GRAMD1B: variants seen among roughly 807,000 people sequenced by gnomAD.
GRAMD1B encodes the protein GRAM domain containing 1B, also known as protein Aster-B.
A neutral mutation model predicts 99.7 loss-of-function variants in GRAMD1B; 37 were observed. The observed-to-expected ratio is 0.37, with a 90% CI of 0.29 to 0.49. The LOEUF is 0.49. GRAMD1B is among the 20% of genes least tolerant of loss of function. The pLI is 0.98. For synonymous variants in GRAMD1B, 427 were observed against 387.6 expected (o/e 1.10, Z -1.19); for missense variants, 888 against 1,009.2 (o/e 0.88, Z 1.63).
intron 2 of GRAMD1B, among the ~76,000 whole-genome samples, chr11:123,561,272 C>G (rs558466873): frequency 6.6e-6 from 1 of 152,144 alleles, no homozygotes; most frequent in African/African-American, 2.4e-5. Context: ...GCTGGCTTCC[C>G]TCCGCAGTGC....
chr11:123,603,566 C>CT, intron 9 of GRAMD1B, 25 bp downstream of exon 9: 4 of 1,403,214 alleles, frequency 2.9e-6, no homozygotes, highest in Non-Finnish European at 4.0e-6. Flanking sequence ...GGGCGGCTGC[C>CT]CAGAGGCAGC....
chr11:123,457,724 A>G (rs1413544834), intron 1 of GRAMD1B, among the ~76,000 whole-genome samples: 2 of 151,964 alleles, frequency 1.3e-5, no homozygotes, highest in Admixed American at 6.6e-5. Context: ...TATTTTATGT[A>G]TTTGTTTTTT....
At chr11:123,467,339 C>T (rs986181333) in intron 1 of GRAMD1B, among the ~76,000 whole-genome samples, 3 of 147,942 alleles carry the variant, frequency 2.0e-5, no homozygotes, top group Non-Finnish European at 4.5e-5. Flanking sequence ...AATTAATACT[C>T]ATAGATAATT....
intron 2 of GRAMD1B, among the ~76,000 whole-genome samples, chr11:123,538,917 C>A (rs868538510): frequency 6.6e-6 from 1 of 152,072 alleles, no homozygotes; most frequent in Admixed American, 6.6e-5. Context: ...GTGTGAGCCA[C>A]CGCGCCCAGT....
intron 1 of GRAMD1B, among the ~76,000 whole-genome samples, chr11:123,421,972 T>A (rs1040113694): frequency 2.6e-5 from 4 of 152,230 alleles, no homozygotes; most frequent in Admixed American, 2.6e-4. Flanking sequence ...TTTTCATACA[T>A]CAGGATTGCT....
At chr11:123,435,937 C>CTTTTTTTTTT (rs10647186) in intron 1 of GRAMD1B, among the ~76,000 whole-genome samples, 3 of 95,704 alleles carry the variant, frequency 3.1e-5, no homozygotes, top group African/African-American at 4.0e-5. Flanking sequence ...GAAACTCATA[C>CTTTTTTTTTT]TTTTTTTTTT....
At chr11:123,397,276 T>C (rs1444815555) in intron 1 of GRAMD1B, among the ~76,000 whole-genome samples, 2 of 151,970 alleles carry the variant, frequency 1.3e-5, no homozygotes, top group Non-Finnish European at 2.9e-5. Context: ...GGCATGGTGG[T>C]GGGTACCTGT....
rs1441995999 is a variant in GRAMD1B at position 123,531,979 on chromosome 11, T to C, written c.453-45388T>C. Among the ~76,000 whole-genome samples, 12 of 152,164 alleles carry C rather than the reference T, an allele frequency of 7.9e-5. No individual in the cohort carries two copies. The East Asian group carries it at 2.3e-3, about 29-fold the overall frequency. On this transcript the variant is annotated intron_variant, in intron 2 of 19. Coordinates refer to ENST00000635736, the MANE Select transcript of GRAMD1B (RefSeq NM_001387025.1). ...CTCAAACTCCCAACCTCAGGTAATCTGCCCACCTCAGCCTCCCAAAGTGCT... is the reference window on the plus strand; with the variant it reads ...CTCAAACTCCCAACCTCAGGTAATCCGCCCACCTCAGCCTCCCAAAGTGCT...
intron 14 of GRAMD1B, among the ~76,000 whole-genome samples, chr11:123,611,973 G>A (rs1002439714): frequency 2.0e-5 from 3 of 152,182 alleles, no homozygotes; most frequent in African/African-American, 7.2e-5. Flanking sequence ...TACTGCAGGG[G>A]GTATGGACAG....
At chr11:123,414,635 T>G (rs1359275252) in intron 1 of GRAMD1B, among the ~76,000 whole-genome samples, 7 of 152,156 alleles carry the variant, frequency 4.6e-5, no homozygotes, top group Admixed American at 2.0e-4. Flanking sequence ...TTCCAACCTG[T>G]TTTTTTATTT....
At chr11:123,531,426 G>A (rs528961425) in intron 2 of GRAMD1B, among the ~76,000 whole-genome samples, 13 of 152,114 alleles carry the variant, frequency 8.5e-5, no homozygotes, top group East Asian at 1.9e-4. Flanking sequence ...TGTTATTGTC[G>A]TCATCATTAC....
At position 123,622,729 on chromosome 11, in the gene GRAMD1B, A is replaced by C; in HGVS notation, c.*134A>C. 5 of 220,028 alleles carry C rather than the reference A, an allele frequency of 2.3e-5. No individual in the cohort carries two copies. The highest frequency in any genetic ancestry group is 3.3e-5 in the Non-Finnish European group (4 of 119,778). 13.6% of individuals were successfully genotyped at this position (220,028 alleles called of 1,614,324 possible). ...ATATACAGATTTTAAAAAAGAGATA[A>C]TGCCTATGTACCAGGGAGAAGGAGC... is the stretch of plus-strand genomic sequence containing the variant. On this transcript the variant is annotated 3_prime_UTR_variant, in exon 20 of 20. Transcript: ENST00000635736.
chr11:123,574,334 T>C (rs1441000463), intron 2 of GRAMD1B, among the ~76,000 whole-genome samples: 7 of 152,176 alleles, frequency 4.6e-5, no homozygotes. Flanking sequence ...TTTGGGACTT[T>C]AATGTGGGAG....
intron 11 of GRAMD1B, 52 bp from the exon 12 acceptor site, chr11:123,608,607 C>T (rs879053886): frequency 6.4e-7 from 1 of 1,559,666 alleles, no homozygotes; most frequent in African/African-American, 1.4e-5. Flanking sequence ...TCCCTGGGGC[C>T]CCCTCCCCCT....
At chr11:123,502,600 C>T (rs1248483659) in intron 2 of GRAMD1B, among the ~76,000 whole-genome samples, 1 of 152,052 alleles carries the variant, frequency 6.6e-6, no homozygotes, top group African/African-American at 2.4e-5. Flanking sequence ...CTTGGTGAAA[C>T]TCCGTCTCTA....
intron 1 of GRAMD1B, among the ~76,000 whole-genome samples, chr11:123,462,466 T>G (rs1167197407): frequency 6.6e-6 from 1 of 152,174 alleles, no homozygotes; most frequent in African/African-American, 2.4e-5. Flanking sequence ...GGCTGACACT[T>G]GTGGCAGAGT....
At chr11:123,362,337 G>A (rs532158584) in intron 1 of GRAMD1B, among the ~76,000 whole-genome samples, 3 of 152,260 alleles carry the variant, frequency 2.0e-5, no homozygotes, top group South Asian at 4.1e-4. Flanking sequence ...ACCTTTTTGA[G>A]ATCCTAATGG....
intron 4 of GRAMD1B, among the ~76,000 whole-genome samples, chr11:123,584,677 G>T (rs1428617876): frequency 4.6e-5 from 7 of 152,068 alleles, no homozygotes; most frequent in Non-Finnish European, 8.8e-5. Flanking sequence ...CAGCCTGGGG[G>T]CCTGAACTTA....
chr11:123,610,155 C>A lies in GRAMD1B; in HGVS notation c.1777-41C>A, dbSNP rs1307638692. The stretch of plus-strand genomic sequence containing the variant: ...AGAAGGTGCTTTTCCAAGCTTCTTG[C>A]TCCTCTTCAGTTTTGTCCAATGGAC... On this transcript the variant is annotated intron_variant, in intron 13 of 19. Coordinates refer to ENST00000635736, the MANE Select transcript of GRAMD1B (RefSeq NM_001387025.1). The surrounding 1 kb of genome is among the most constrained non-coding windows in gnomAD (Gnocchi z 4.1). 1.2e-6 allele frequency: 2 copies of A among 1,608,700 alleles called. No homozygotes were observed. The highest frequency in any genetic ancestry group is 2.7e-5 in the African/African-American group (2 of 74,832).
Sources: gnomAD v4.1 joint callset for allele counts (sites outside exome capture counted in the v4.1 genomes callset) on GRCh38, gnomAD v4.1.1 for gene constraint, Gnocchi (gnomAD v3.1) non-coding constraint, MANE v1.5 for transcripts, NCBI Gene and HGNC (gene_info 2026-07-23, HGNC 2026-07-21) for gene names.